HIVEP1: variants seen among roughly 807,000 people sequenced by gnomAD.
HIVEP1 encodes the protein HIVEP zinc finger 1, also known as zinc finger protein 40.
In HIVEP1, 36 loss-of-function variants were observed where a neutral mutation model predicts 180.0. The ratio of observed to expected loss-of-function variants is 0.20; its 90% CI spans 0.15 to 0.26. The LOEUF (loss-of-function observed/expected upper bound fraction) is 0.26. Ranked by LOEUF, HIVEP1 falls within the 10% of genes least tolerant of loss-of-function variation. The pLI, the probability that HIVEP1 is intolerant of heterozygous loss-of-function variation, is 1.00. For missense variants in HIVEP1, 3,143 were observed against 3,268.7 expected, an observed-to-expected ratio of 0.96 and a Z score of 0.94; for synonymous variants, 1,239 against 1,239.0, an observed-to-expected ratio of 1.00 and a Z score of 0.00.
intron 3 of HIVEP1, among the ~76,000 whole-genome samples, chr6:12,115,574 T>A (rs1045724132): frequency 1.3e-5 from 2 of 152,030 alleles, no homozygotes; most frequent in African/African-American, 4.8e-5. Context: ...CCTCAGAGTT[T>A]CTGCTTGATT....
chr6:12,189,484 GT>G, the HIVEP1 span, among the ~76,000 whole-genome samples: 1 of 152,044 alleles, frequency 6.6e-6, no homozygotes, highest in African/African-American at 2.4e-5. Context: ...ACATGAAATA[GT>G]TCATAGGAAG....
the HIVEP1 span, among the ~76,000 whole-genome samples, chr6:12,196,720 G>C: frequency 6.6e-6 from 1 of 152,176 alleles, no homozygotes. Context: ...AGACAGAAGA[G>C]GAACCTTCAT....
chr6:12,139,215 CCT>C (rs1266942367), intron 7 of HIVEP1, among the ~76,000 whole-genome samples: 1 of 152,128 alleles, frequency 6.6e-6, no homozygotes, highest in Admixed American at 6.5e-5. Context: ...TTACCATCTC[CCT>C]GAGGCTCAGC....
chr6:12,137,612 G>T (rs1225691265), intron 7 of HIVEP1, among the ~76,000 whole-genome samples: 1 of 149,332 alleles, frequency 6.7e-6, no homozygotes, highest in Non-Finnish European at 1.5e-5. Context: ...TGTGCTCAAA[G>T]TTTTTTTTTT....
chr6:12,014,881 A>C (rs1222857371), intron 1 of HIVEP1, among the ~76,000 whole-genome samples: 1 of 152,244 alleles, frequency 6.6e-6, no homozygotes. Context: ...GGTTAGCCAG[A>C]GCTGACTTTG....
At chr6:12,147,839 C>T (rs905787525) in intron 7 of HIVEP1, among the ~76,000 whole-genome samples, 4 of 152,122 alleles carry the variant, frequency 2.6e-5, no homozygotes, top group Middle Eastern at 3.2e-3. Context: ...TTGGAAATAG[C>T]GCTATCAATT....
intron 2 of HIVEP1, among the ~76,000 whole-genome samples, chr6:12,076,146 A>G (rs753278888): frequency 2.6e-5 from 4 of 152,184 alleles, no homozygotes; most frequent in African/African-American, 9.7e-5. Context: ...ACAGTCAAAT[A>G]TAGAAATATG....
At chr6:12,114,699 AATGTT>A (rs759358611) in intron 3 of HIVEP1, among the ~76,000 whole-genome samples, 2 of 152,342 alleles carry the variant, frequency 1.3e-5, no homozygotes, top group East Asian at 1.9e-4. Context: ...ATGGATGTAT[AATGTT>A]ATGTTAAGTG....
At chr6:12,016,605 G>C (rs1372093379) in intron 2 of HIVEP1, among the ~76,000 whole-genome samples, 1 of 152,178 alleles carries the variant, frequency 6.6e-6, no homozygotes, top group African/African-American at 2.4e-5. Context: ...TGGCCTCCGT[G>C]AATCTGGAAA....
At chr6:12,173,304 A>G in the HIVEP1 span, among the ~76,000 whole-genome samples, 11 of 152,176 alleles carry the variant, frequency 7.2e-5, no homozygotes, top group African/African-American at 2.2e-4. Context: ...AAATATTTCC[A>G]AAAAGAAATG....
chr6:12,123,641 A>G lies in HIVEP1; in HGVS notation c.3846A>G (p.Lys1282=), dbSNP rs756963810. The G allele has an allele frequency of 2.5e-6, 4 of 1,614,074 alleles. No homozygotes were observed. In the Admixed American group the frequency reaches 5.0e-5, roughly 20 times the overall value. Residue 1282 remains lysine, a synonymous_variant, in exon 4 of 9, where the codon AAA becomes AAG. Transcript: ENST00000379388. ...CAGAGAAACTGCCACCCAAAAAGAA[A>G]AGGCTCCGTCTGGCTGAGATAGAAC... ...LPTEKLPPKK[K]RLRLAEIEHS...
chr6:12,193,662 G>A, the HIVEP1 span, among the ~76,000 whole-genome samples: 2 of 152,120 alleles, frequency 1.3e-5, no homozygotes, highest in Admixed American at 6.6e-5. Context: ...CAATTAATCC[G>A]CTATGTTTTT....
chr6:12,108,267 T>G (rs1346256256), intron 3 of HIVEP1, among the ~76,000 whole-genome samples: 1 of 152,238 alleles, frequency 6.6e-6, no homozygotes, highest in Non-Finnish European at 1.5e-5. Flanking sequence ...TTACAATCCC[T>G]GAGCTAGACA....
At chr6:12,179,697 G>GT in the HIVEP1 span, among the ~76,000 whole-genome samples, 1 of 152,100 alleles carries the variant, frequency 6.6e-6, no homozygotes, top group Non-Finnish European at 1.5e-5. Flanking sequence ...ACAAGTAACA[G>GT]TATCACCTAC....
intron 3 of HIVEP1, among the ~76,000 whole-genome samples, chr6:12,103,365 C>T (rs1265551144): frequency 6.6e-6 from 1 of 152,176 alleles, no homozygotes; most frequent in East Asian, 1.9e-4. Context: ...ATAGAACTTA[C>T]CCAAGGTCAC....
At position 12,121,427 on chromosome 6, in the gene HIVEP1, C is replaced by G. The variant is rs1561962823; in HGVS notation, c.1632C>G (p.Asp544Glu). The G allele has an allele frequency of 6.2e-7, 1 of 1,614,146 alleles. No homozygotes were observed. Among genetic ancestry groups the G allele is most frequent in the South Asian group, 1.1e-5 (1 of 91,078 alleles). ...TPSSPENVIG[D>E]FLLQDRSAES... is the part of the protein sequence containing the mutation. ...GCAGTCCAGAAAATGTGATAGGTGA[C>G]TTTTTGCTACAGGACAGATCTGCAG... Residue 544 changes from aspartate (D) to glutamate (E), a missense_variant, in exon 4 of 9, where the codon GAC (aspartate) becomes GAG (glutamate). Asp to Glu is a conservative substitution (Grantham distance 45). Coordinates refer to ENST00000379388, the MANE Select transcript of HIVEP1 (RefSeq NM_002114.4). This position sits in a 1 kb window ranked among gnomAD's most constrained non-coding sequence, Gnocchi z 5.3.
At chr6:12,167,631 T>TTACATG (rs1760744418), downstream of HIVEP1, among the ~76,000 whole-genome samples, 2 of 100,832 alleles carry the variant, frequency 2.0e-5, no homozygotes, top group Admixed American at 9.6e-5. Flanking sequence ...TATATACATG[T>TTACATG]TATATATACA....
chr6:12,189,143 T>C, the HIVEP1 span, among the ~76,000 whole-genome samples: 1 of 151,912 alleles, frequency 6.6e-6, no homozygotes, highest in South Asian at 2.1e-4. Flanking sequence ...AAAAATTAAT[T>C]TGAACCCCAC....
At chr6:12,169,966 A>G (rs1760854585), downstream of HIVEP1, among the ~76,000 whole-genome samples, 2 of 152,002 alleles carry the variant, frequency 1.3e-5, no homozygotes, top group Non-Finnish European at 2.9e-5. Flanking sequence ...TACAAATACA[A>G]AAAAAGTAGC....
Sources: gnomAD v4.1 joint callset for allele counts (sites outside exome capture counted in the v4.1 genomes callset) on GRCh38, gnomAD v4.1.1 for gene constraint, Gnocchi (gnomAD v3.1) non-coding constraint, MANE v1.5 for transcripts, NCBI Gene and HGNC (gene_info 2026-07-23, HGNC 2026-07-21) for gene names.